Variants in TNFRSF19 observed in about 807,000 individuals in gnomAD.
TNFRSF19 encodes TNF receptor superfamily member 19.
In TNFRSF19, 27 loss-of-function variants were observed where a neutral mutation model predicts 46.4. That is an observed-to-expected ratio of 0.58 (90% confidence interval 0.43 to 0.80). The LOEUF (loss-of-function observed/expected upper bound fraction) is 0.80. Ranked by LOEUF, TNFRSF19 falls within the 30% of genes least tolerant of loss-of-function variation. The probability of loss-of-function intolerance (pLI) is 0.00; values close to 1 mark genes in which losing one functional copy is unlikely to be tolerated. For missense variants in TNFRSF19, 511 were observed against 530.8 expected, an observed-to-expected ratio of 0.96 and a Z score of 0.37; for synonymous variants, 204 against 205.0, an observed-to-expected ratio of 1.00 and a Z score of 0.04.
At position 23,674,310 on chromosome 13, in the gene TNFRSF19, C is replaced by T. The variant is rs1176614828; in HGVS notation, c.*930C>T. On this transcript the variant is annotated 3_prime_UTR_variant, in exon 10 of 10. Coordinates refer to ENST00000248484, the MANE Select transcript of TNFRSF19 (RefSeq NM_148957.4). Reference sequence around the variant, plus strand: ...CTTATACTAAAGGCTTTAGAAATTACAACATATCAGGTTCCCCTACTACTG... The same window carrying T: ...CTTATACTAAAGGCTTTAGAAATTATAACATATCAGGTTCCCCTACTACTG... The T allele has an allele frequency of 2.0e-5, 3 of 152,218 alleles. No homozygotes were observed. Among genetic ancestry groups the T allele is most frequent in the Admixed American group, 6.5e-5 (1 of 15,284 alleles). The allele number at this position is 152,218 out of a possible 1,614,324, so 9.4% of individuals were successfully genotyped here.
At chr13:23,639,997 A>G (rs1404634153) in intron 5 of TNFRSF19, among the ~76,000 whole-genome samples, 2 of 152,190 alleles carry the variant, frequency 1.3e-5, no homozygotes, top group Admixed American at 6.5e-5. Flanking sequence ...TCAGGTTAGT[A>G]AGGACCATCA....
chr13:23,582,691 C>T (rs546010169), intron 1 of TNFRSF19, among the ~76,000 whole-genome samples: 1 of 152,308 alleles, frequency 6.6e-6, no homozygotes, highest in Non-Finnish European at 1.5e-5. Context: ...CCTTACAACT[C>T]GTTGTAATCC....
At chr13:23,617,256 A>C (rs1394475199) in intron 4 of TNFRSF19, among the ~76,000 whole-genome samples, 1 of 152,168 alleles carries the variant, frequency 6.6e-6, no homozygotes, top group Non-Finnish European at 1.5e-5. Context: ...CAAGTTACAG[A>C]GAGCAGAGGA....
intron 3 of TNFRSF19, among the ~76,000 whole-genome samples, chr13:23,608,021 G>T (rs2138231034): frequency 6.6e-6 from 1 of 152,234 alleles, no homozygotes; most frequent in East Asian, 1.9e-4. Flanking sequence ...TGTAGTCAGG[G>T]CTGGCTGGGG....
intron 5 of TNFRSF19, among the ~76,000 whole-genome samples, chr13:23,649,204 G>A (rs1269763917): frequency 6.6e-6 from 1 of 152,042 alleles, no homozygotes; most frequent in African/African-American, 2.4e-5. Flanking sequence ...GTCAGGTTGT[G>A]GGCTTTTCTT....
intron 9 of TNFRSF19, among the ~76,000 whole-genome samples, chr13:23,672,080 C>T (rs535149170): frequency 4.4e-4 from 67 of 152,262 alleles, no homozygotes; most frequent in Non-Finnish European, 9.3e-4. Context: ...TGGTGTAAGG[C>T]CATGATTTCA....
At chr13:23,606,683 T>G (rs1282081392) in intron 3 of TNFRSF19, among the ~76,000 whole-genome samples, 1 of 152,234 alleles carries the variant, frequency 6.6e-6, no homozygotes, top group Non-Finnish European at 1.5e-5. Flanking sequence ...TTTTGCCAAG[T>G]CTTTTTTCTT....
At chr13:23,610,427 A>C (rs1477674607) in intron 3 of TNFRSF19, among the ~76,000 whole-genome samples, 1 of 152,200 alleles carries the variant, frequency 6.6e-6, no homozygotes, top group Non-Finnish European at 1.5e-5. Context: ...CTTGGGTGGA[A>C]GTAGCCCAGC....
At chr13:23,602,279 A>G (rs1375454139) in intron 3 of TNFRSF19, among the ~76,000 whole-genome samples, 1 of 152,182 alleles carries the variant, frequency 6.6e-6, no homozygotes, top group Non-Finnish European at 1.5e-5. Flanking sequence ...AAAGATGGAC[A>G]TCATATAATC....
At chr13:23,631,011 C>T (rs1882329628) in intron 5 of TNFRSF19, among the ~76,000 whole-genome samples, 4 of 151,962 alleles carry the variant, frequency 2.6e-5, no homozygotes. Flanking sequence ...GGCTGACCTG[C>T]AACTCTTAGG....
intron 1 of TNFRSF19, among the ~76,000 whole-genome samples, chr13:23,583,474 G>A (rs1172586359): frequency 6.6e-6 from 1 of 152,122 alleles, no homozygotes; most frequent in African/African-American, 2.4e-5. Flanking sequence ...ACAGTATTGG[G>A]TTATCTTCTA....
At chr13:23,649,605 G>T (rs565923179) in intron 5 of TNFRSF19, among the ~76,000 whole-genome samples, 84 of 150,752 alleles carry the variant, frequency 5.6e-4, no homozygotes, top group African/African-American at 1.5e-3. Flanking sequence ...GCTTAGTTTG[G>T]TTTTTTTTCC....
chr13:23,660,281 C>T (rs1240889009), intron 6 of TNFRSF19, 84 bp from the exon 7 acceptor site: 1 of 1,363,664 alleles, frequency 7.3e-7, no homozygotes, highest in Non-Finnish European at 9.9e-7. Context: ...CTGATTTGTT[C>T]TTTAAAAATA....
intron 5 of TNFRSF19, among the ~76,000 whole-genome samples, chr13:23,629,528 C>T (rs1467898044): frequency 1.3e-5 from 2 of 152,186 alleles, no homozygotes; most frequent in Non-Finnish European, 2.9e-5. Flanking sequence ...GCTAGGTCTT[C>T]CCTTGTGAAA....
intron 3 of TNFRSF19, among the ~76,000 whole-genome samples, chr13:23,605,105 T>C (rs1880422054): frequency 6.6e-6 from 1 of 152,116 alleles, no homozygotes; most frequent in South Asian, 2.1e-4. Flanking sequence ...CAAAAAATTC[T>C]TAACACTGAG....
chr13:23,573,722 A>C (rs1189691668), intron 1 of TNFRSF19, among the ~76,000 whole-genome samples: 9 of 151,804 alleles, frequency 5.9e-5, no homozygotes, highest in Admixed American at 4.6e-4. Flanking sequence ...TTATGTTAAG[A>C]CTCTTGAGCA....
rs1883155619 is a variant in TNFRSF19, at chr13:23,643,700, G to C, written c.446-15350G>C. On this transcript the variant is annotated intron_variant, in intron 5 of 9. Transcript: ENST00000248484. ...GAGGAAAACAGAAATAGTTAAATCA[G>C]AATTGCCGGATGGCGAGAAGGTGCG... Among the ~76,000 whole-genome samples, 5 of 152,218 alleles carry C rather than the reference G, an allele frequency of 3.3e-5. No homozygotes were observed. The South Asian group carries it at 8.3e-4, about 25-fold the overall frequency.
chr13:23,661,957 T>G lies in TNFRSF19; in HGVS notation c.736+1467T>G, dbSNP rs554005506. ...TTAGACCTTTATCAGATGCATAGTT[T>G]GCAAACATTTTCTCCCATTCTGTAG... On this transcript the variant is annotated intron_variant, in intron 7 of 9. Coordinates refer to ENST00000248484, the MANE Select transcript of TNFRSF19 (RefSeq NM_148957.4). 3.3e-5 allele frequency among the ~76,000 whole-genome samples: 5 copies of G among 152,364 alleles called. No individual in the cohort carries two copies. In the South Asian group the frequency reaches 1.0e-3, roughly 32 times the overall value.
intron 5 of TNFRSF19, among the ~76,000 whole-genome samples, chr13:23,638,108 G>A (rs992574056): frequency 1.9e-5 from 2 of 102,806 alleles, no homozygotes; most frequent in African/African-American, 2.9e-5. Context: ...TCTGTTTCTC[G>A]GTGCAGAAGT....
Sources: allele counts gnomAD v4.1 joint callset (sites outside exome capture counted in the v4.1 genomes callset), GRCh38; gene constraint gnomAD v4.1.1; transcripts MANE v1.5; gene names NCBI Gene and HGNC (gene_info 2026-07-23, HGNC 2026-07-21).